TRIML2: variants seen among roughly 807,000 people sequenced by gnomAD.
The protein encoded by TRIML2 is tripartite motif family like 2.
A neutral mutation model predicts 31.2 loss-of-function variants in TRIML2; 28 were observed. The observed-to-expected ratio is 0.90, with a 90% confidence interval of 0.66 to 1.23. The LOEUF (loss-of-function observed/expected upper bound fraction) is 1.23, where lower values mean the gene tolerates loss of function less well. Ranked by LOEUF, TRIML2 falls within the 50% of genes most tolerant of loss-of-function variation. The pLI, the probability that TRIML2 is intolerant of heterozygous loss-of-function variation, is 0.00. For missense variants in TRIML2, 536 were observed against 528.3 expected (o/e 1.01, Z -0.14); for synonymous variants, 187 against 197.5 (o/e 0.95, Z 0.45).
chr4:188,098,122 GGA>G, intron 5 of TRIML2: 2 of 275,390 alleles, frequency 7.3e-6, no homozygotes, highest in Non-Finnish European at 1.4e-5. Flanking sequence ...TCCGTCTCGG[GGA>G]AAAAAAAAAA....
At chr4:188,096,926 G>A (rs1733544689) in intron 7 of TRIML2, 135 bp downstream of exon 7, 1 of 672,220 alleles carries the variant, frequency 1.5e-6, no homozygotes, top group Non-Finnish European at 2.6e-6. Context: ...CAAAGTGCTG[G>A]GATTACAGGA....
intron 1 of TRIML2, among the ~76,000 whole-genome samples, chr4:188,108,883 C>T (rs1734138856): frequency 6.6e-6 from 1 of 152,128 alleles, no homozygotes; most frequent in Admixed American, 6.6e-5. Flanking sequence ...AACAAGTTTA[C>T]TTGTGGGTCA....
intron 1 of TRIML2, among the ~76,000 whole-genome samples, chr4:188,108,682 C>G (rs968975107): frequency 6.6e-6 from 1 of 152,150 alleles, no homozygotes; most frequent in Admixed American, 6.6e-5. Flanking sequence ...GCCCTTCCCC[C>G]TTCCGTGGCC....
At chr4:188,095,222 A>C (rs1733453825) in intron 7 of TRIML2, among the ~76,000 whole-genome samples, 1 of 152,182 alleles carries the variant, frequency 6.6e-6, no homozygotes. Flanking sequence ...GCTTTGGCAA[A>C]ATTTCTTAAA....
intron 1 of TRIML2, among the ~76,000 whole-genome samples, chr4:188,108,792 AC>A (rs1734137086): frequency 6.6e-6 from 1 of 152,020 alleles, no homozygotes; most frequent in Non-Finnish European, 1.5e-5. Context: ...CCTTTCCATC[AC>A]TACTCAATTT....
In TRIML2 at chr4:188,091,712, T is replaced by C. The variant is rs989691782; in HGVS notation, c.975A>G (p.Ala325=). The C allele has an allele frequency of 3.1e-6, 5 of 1,613,778 alleles. No homozygotes were observed. The highest frequency in any genetic ancestry group is 4.2e-6 in the Non-Finnish European group (5 of 1,179,782). ...CTCTGGCCGTGCTGCCCTTCGCGTC[T>C]GCAGAGCCGTGGTATATGCCCACTT... The part of the protein sequence containing the change: ...RWQVGIYHGS[A]DAKGSTARAS... The change falls in exon 8 of 8, where the codon GCA becomes GCG. Residue 325 remains alanine (A), a synonymous_variant. Coordinates refer to ENST00000682553, the MANE Select transcript of TRIML2 (RefSeq NM_173553.4).
At chr4:188,093,541 A>C (rs752344274) in intron 7 of TRIML2, among the ~76,000 whole-genome samples, 4 of 152,084 alleles carry the variant, frequency 2.6e-5, no homozygotes, top group Non-Finnish European at 5.9e-5. Context: ...GGCGGCCTGT[A>C]ATCCCAGCTA....
intron 5 of TRIML2, chr4:188,098,763 G>C (rs940590502): frequency 1.0e-5 from 4 of 396,744 alleles, no homozygotes; most frequent in African/African-American, 2.1e-5. Flanking sequence ...TCATTGCATG[G>C]AGGTATTAAC....
intron 4 of TRIML2, among the ~76,000 whole-genome samples, chr4:188,099,822 C>T (rs1027099232): frequency 2.6e-5 from 4 of 152,058 alleles, no homozygotes; most frequent in African/African-American, 9.7e-5. Context: ...AGAAGGTTCC[C>T]TATTTTTTCA....
chr4:188,099,107 C>G lies in TRIML2; in HGVS notation c.549G>C (p.Gln183His). ...LKESEARASEQVRSLLKLIVE... is the reference protein window; with the variant it reads ...LKESEARASEHVRSLLKLIVE... ...CGATGAGCTTTAGGAGGCTGCGGAC[C>G]TGTTCAGAAGCCCTGGCTTCACTCT... Residue 183 changes from glutamine to histidine, a missense_variant, in exon 5 of 8, where the codon CAG becomes CAC. Coordinates refer to ENST00000682553, the MANE Select transcript of TRIML2 (RefSeq NM_173553.4). The G allele has an allele frequency of 1.2e-6, 2 of 1,614,174 alleles. No individual in the cohort carries two copies. The highest frequency in any genetic ancestry group is 1.7e-6 in the Non-Finnish European group (2 of 1,180,030).
intron 4 of TRIML2, among the ~76,000 whole-genome samples, 195 bp from the exon 5 acceptor site, chr4:188,099,370 C>A (rs559588271): frequency 6.6e-6 from 1 of 152,264 alleles, no homozygotes; most frequent in African/African-American, 2.4e-5. Flanking sequence ...TTGAGACCAG[C>A]CTGGCCAACA....
intron 3 of TRIML2, among the ~76,000 whole-genome samples, chr4:188,102,798 G>A (rs1733855419): frequency 1.3e-5 from 2 of 148,662 alleles, no homozygotes; most frequent in South Asian, 4.3e-4. Flanking sequence ...GCAGTGAGCC[G>A]AGATCGCGTC....
Position 188,105,436 on chromosome 4 carries a change from ATG to A in TRIML2, c.-70_-69del. The A allele has an allele frequency of 1.7e-6, 2 of 1,185,702 alleles. No homozygotes were observed. Among genetic ancestry groups the A allele is most frequent in the Admixed American group, 2.7e-5 (1 of 36,912 alleles). The allele number at this position is 1,185,702 out of a possible 1,614,324, so 73.4% of individuals were successfully genotyped here. On this transcript the variant is annotated 5_prime_UTR_variant, in exon 2 of 8. Transcript: ENST00000682553. ...ACTGAGGTATCTCCCTGCACTGTGA[ATG>A]AGAAAAAATGGTGGCTTCCTTTGTT...
At chr4:188,103,237 T>A (rs1417178262) in intron 3 of TRIML2, among the ~76,000 whole-genome samples, 2 of 152,004 alleles carry the variant, frequency 1.3e-5, no homozygotes, top group African/African-American at 4.8e-5. Context: ...CCTGACCTCG[T>A]GATCCGCCCG....
intron 5 of TRIML2, among the ~76,000 whole-genome samples, chr4:188,097,709 C>T (rs1381716307): frequency 6.6e-6 from 1 of 152,142 alleles, no homozygotes. Flanking sequence ...CCAGGCAGAG[C>T]CACACCTGCC....
intron 7 of TRIML2, among the ~76,000 whole-genome samples, chr4:188,095,313 A>C (rs79257939): frequency 0.021 from 3,243 of 152,316 alleles, 43 homozygotes; most frequent in Middle Eastern, 0.048. Flanking sequence ...CTACACTTCA[A>C]AAGACAGTAT....
intron 1 of TRIML2, chr4:188,106,905 G>T: frequency 3.9e-6 from 1 of 257,146 alleles, no homozygotes; most frequent in Non-Finnish European, 8.2e-6. Flanking sequence ...GCAAGAAGAA[G>T]GGCCCCAATG....
At chr4:188,098,331 T>C in intron 5 of TRIML2, 1 of 413,666 alleles carries the variant, frequency 2.4e-6, no homozygotes, top group Non-Finnish European at 4.8e-6. Context: ...GTAGCCTCCA[T>C]CTCCAGCCTC....
At chr4:188,108,390 G>T (rs550079570) in intron 1 of TRIML2, among the ~76,000 whole-genome samples, 114 of 152,264 alleles carry the variant, frequency 7.5e-4, no homozygotes, top group African/African-American at 2.7e-3. Flanking sequence ...TTCCTTTAGA[G>T]CCACAGTTTA....
Sources: gnomAD v4.1 joint callset for allele counts (sites outside exome capture counted in the v4.1 genomes callset) on GRCh38, gnomAD v4.1.1 for gene constraint, MANE v1.5 for transcripts, NCBI Gene and HGNC (gene_info 2026-07-23, HGNC 2026-07-21) for gene names.